MYO18B: variants seen among roughly 807,000 people sequenced by gnomAD.
The protein encoded by MYO18B is myosin XVIIIB, also known as unconventional myosin-XVIIIb.
Under a neutral mutation model 273.0 loss-of-function variants are expected in MYO18B, and 204 were observed. The ratio of observed to expected loss-of-function variants is 0.75; its 90% CI spans 0.67 to 0.84. The LOEUF (loss-of-function observed/expected upper bound fraction) is 0.84. Ranked by LOEUF, MYO18B falls within the 40% of genes least tolerant of loss-of-function variation. MYO18B has a pLI of 0.00. For synonymous variants in MYO18B, 1,330 were observed against 1,305.7 expected, an observed-to-expected ratio of 1.02 and a Z score of -0.40; for missense variants, 3,212 against 3,287.6, an observed-to-expected ratio of 0.98 and a Z score of 0.56.
chr22:25,902,515 A>C, intron 29 of MYO18B, 98 bp from the exon 30 acceptor site: 2 of 1,351,124 alleles, frequency 1.5e-6, no homozygotes, highest in Admixed American at 5.5e-5. Context: ...GGTTCTTGGG[A>C]AACTAGCGGC....
chr22:25,826,019 A>G lies in MYO18B; in HGVS notation c.2696-390A>G, dbSNP rs1208360198. Among the ~76,000 whole-genome samples the G allele has an allele frequency of 2.0e-5, 3 of 152,236 alleles. No individual in the cohort carries two copies. In the South Asian group the frequency reaches 6.2e-4, roughly 31 times the overall value. On this transcript the variant is annotated intron_variant, in intron 13 of 43. Transcript: ENST00000335473. ...CTTCAGGGCACGCCCAGCCTCATGA[A>G]GGAGACACAGGTTAATAAAATAACT...
At chr22:25,759,183 C>T (rs966262436) in intron 1 of MYO18B, among the ~76,000 whole-genome samples, 1 of 152,054 alleles carries the variant, frequency 6.6e-6, no homozygotes, top group Non-Finnish European at 1.5e-5. Context: ...ACTTTAAAAA[C>T]AAATACCCAA....
At chr22:26,009,369 C>T (rs1400141238) in intron 42 of MYO18B, among the ~76,000 whole-genome samples, 3 of 152,182 alleles carry the variant, frequency 2.0e-5, no homozygotes, top group Admixed American at 6.5e-5. Context: ...GTTCTTCCCC[C>T]AGAGGTTATA....
At chr22:25,850,501 C>T (rs912883076) in intron 20 of MYO18B, among the ~76,000 whole-genome samples, 4 of 152,180 alleles carry the variant, frequency 2.6e-5, no homozygotes, top group African/African-American at 9.6e-5. Flanking sequence ...GTGTCTATAA[C>T]ACGAGGAAGT....
rs185152597 is a variant in MYO18B at position 25,874,329 on chromosome 22, G to T, written c.3995G>T (p.Arg1332Leu). Reference sequence around the variant, plus strand: ...GTGATCTCCAGGCTTGAGAAGCAGCGAGAGAAGCTGGTATCTCAGAGCATC... The same window carrying T: ...GTGATCTCCAGGCTTGAGAAGCAGCTAGAGAAGCTGGTATCTCAGAGCATC... ...AGVISRLEKQ[R>L]EKLVSQSIVL... Residue 1332 changes from arginine to leucine, a missense_variant, in exon 23 of 44, where the codon CGA (arginine) becomes CTA (leucine). Transcript: ENST00000335473. 4.0e-5 allele frequency: 65 copies of T among 1,613,944 alleles called. No homozygotes were observed. The East Asian group carries it at 1.4e-3, about 36-fold the overall frequency.
At chr22:25,827,446 C>T (rs1247084307) in intron 14 of MYO18B, among the ~76,000 whole-genome samples, 1 of 152,176 alleles carries the variant, frequency 6.6e-6, no homozygotes, top group Admixed American at 6.5e-5. Flanking sequence ...CTCTGTTTTC[C>T]ATCGTTACGC....
chr22:25,995,796 G>T (rs986871426), intron 40 of MYO18B, among the ~76,000 whole-genome samples: 1 of 152,130 alleles, frequency 6.6e-6, no homozygotes, highest in Non-Finnish European at 1.5e-5. Flanking sequence ...AATCCAATCT[G>T]AATTCTTTCT....
chr22:25,932,817 T>G (rs1278174463), intron 34 of MYO18B, among the ~76,000 whole-genome samples: 1 of 142,348 alleles, frequency 7.0e-6, no homozygotes, highest in East Asian at 2.0e-4. Flanking sequence ...TTATAGCTGG[T>G]GAGCAAAGAA....
At position 25,816,159 on chromosome 22, in the gene MYO18B, G is replaced by T. The variant is rs187823994; in HGVS notation, c.2522-7346G>T. Among the ~76,000 whole-genome samples the T allele has an allele frequency of 1.1e-4, 16 of 152,272 alleles. No homozygotes were observed. In the East Asian group the frequency reaches 3.1e-3, roughly 29 times the overall value. The stretch of plus-strand genomic sequence containing the variant: ...TACATTTTCCATGTTCTCAAAAATA[G>T]AACTTTTCTGGTTGTCCCTGGGCAG... On this transcript the variant is annotated intron_variant, in intron 12 of 43. Coordinates refer to ENST00000335473, the MANE Select transcript of MYO18B (RefSeq NM_032608.7).
chr22:25,936,838 A>G (rs1267401109), intron 34 of MYO18B, among the ~76,000 whole-genome samples: 1 of 152,018 alleles, frequency 6.6e-6, no homozygotes, highest in African/African-American at 2.4e-5. Flanking sequence ...TTCTTCTTCT[A>G]AGGGCACGAA....
chr22:25,828,763 CTT>C lies in MYO18B; in HGVS notation c.2787-12_2787-11del, dbSNP rs758415092. 3.6e-5 allele frequency: 58 copies of C among 1,609,482 alleles called. No homozygotes were observed. In the African/African-American group the frequency reaches 6.5e-4, roughly 18 times the overall value. On this transcript the variant is annotated splice_polypyrimidine_tract_variant and intron_variant, in intron 14 of 43. Coordinates refer to ENST00000335473, the MANE Select transcript of MYO18B (RefSeq NM_032608.7). ...GCCATCTCAGACATTCCACCTCTCTCTTCTCTCCCTAGATCCTTTTCCTCCCA... is the reference window on the plus strand; with the variant it reads ...GCCATCTCAGACATTCCACCTCTCTCCTCTCCCTAGATCCTTTTCCTCCCA...
rs144829715 is a variant in MYO18B, at chr22:25,792,824, TC to T, written c.2377-5127del. On this transcript the variant is annotated intron_variant, in intron 11 of 43. Coordinates refer to ENST00000335473, the MANE Select transcript of MYO18B (RefSeq NM_032608.7). ...TTTTCCTCCCCAAGTTAGCTCCCGTTCCGGGAGGCAGAGGGGTGGGAATCCT... is the reference window on the plus strand; with the variant it reads ...TTTTCCTCCCCAAGTTAGCTCCCGTTCGGGAGGCAGAGGGGTGGGAATCCT... Among the ~76,000 whole-genome samples, 869 of 152,214 alleles carry T rather than the reference TC, an allele frequency of 5.7e-3. 8 individuals carry two copies. Among genetic ancestry groups the T allele is most frequent in the African/African-American group, 0.02 (835 of 41,558 alleles).
At chr22:26,020,515 A>AGGTCATTAAAAGC (rs1312633817) in intron 42 of MYO18B, among the ~76,000 whole-genome samples, 2 of 152,206 alleles carry the variant, frequency 1.3e-5, no homozygotes, top group African/African-American at 4.8e-5. Flanking sequence ...CTGATGAAAG[A>AGGTCATTAAAAGC]GGTCATTAAA....
chr22:25,966,081 A>G (rs924677820), intron 39 of MYO18B, among the ~76,000 whole-genome samples: 6 of 152,194 alleles, frequency 3.9e-5, no homozygotes, highest in African/African-American at 1.4e-4. Flanking sequence ...AAAGACTAAA[A>G]CAAGTAATTC....
At chr22:25,972,958 GAAAAAAA>G (rs66647025) in intron 39 of MYO18B, among the ~76,000 whole-genome samples, 4 of 80,644 alleles carry the variant, frequency 5.0e-5, no homozygotes, top group Middle Eastern at 7.1e-3. Context: ...TGTCTCAAAG[GAAAAAAA>G]AAAAAAAAAA....
chr22:25,975,356 ATG>A (rs1173797497), intron 39 of MYO18B, among the ~76,000 whole-genome samples: 3 of 152,166 alleles, frequency 2.0e-5, no homozygotes, highest in Non-Finnish European at 4.4e-5. Flanking sequence ...CAACGTCTTT[ATG>A]TTCCGCCGCT....
intron 12 of MYO18B, among the ~76,000 whole-genome samples, chr22:25,805,825 C>T (rs1415927069): frequency 6.6e-6 from 1 of 152,166 alleles, no homozygotes; most frequent in Admixed American, 6.5e-5. Flanking sequence ...TTGTCCTCTC[C>T]CGCTGTCCCT....
intron 31 of MYO18B, among the ~76,000 whole-genome samples, chr22:25,905,671 G>C (rs186450454): frequency 1.3e-5 from 2 of 152,136 alleles, no homozygotes; most frequent in African/African-American, 2.4e-5. Flanking sequence ...GCTGTAATAC[G>C]GGGTCTTTGA....
intron 25 of MYO18B, among the ~76,000 whole-genome samples, 192 bp downstream of exon 25, chr22:25,878,240 A>G (rs1421583619): frequency 6.6e-6 from 1 of 152,182 alleles, no homozygotes; most frequent in Non-Finnish European, 1.5e-5. Flanking sequence ...GATATTAAGT[A>G]TCTTCCTCGA....
Sources: gnomAD v4.1 joint callset for allele counts (sites outside exome capture counted in the v4.1 genomes callset) on GRCh38, gnomAD v4.1.1 for gene constraint, MANE v1.5 for transcripts, NCBI Gene and HGNC (gene_info 2026-07-23, HGNC 2026-07-21) for gene names.